FAM107B: variants seen among roughly 807,000 people sequenced by gnomAD.
The protein encoded by FAM107B is family with sequence similarity 107 member B.
Under a neutral mutation model 31.5 loss-of-function variants are expected in FAM107B, and 21 were observed. The ratio of observed to expected loss-of-function variants is 0.67; its 90% CI spans 0.47 to 0.96. FAM107B has a LOEUF of 0.96. Ranked by LOEUF, FAM107B falls within the 40% of genes least tolerant of loss-of-function variation. The pLI is 0.00. For missense variants in FAM107B, 452 were observed against 377.1 expected, an observed-to-expected ratio of 1.20 and a Z score of -1.64; for synonymous variants, 157 against 141.5, an observed-to-expected ratio of 1.11 and a Z score of -0.78.
chr10:14,574,595 C>T (rs1328110807), intron 2 of FAM107B, among the ~76,000 whole-genome samples: 2 of 152,150 alleles, frequency 1.3e-5, no homozygotes, highest in Non-Finnish European at 2.9e-5. Flanking sequence ...ATCCAATGGA[C>T]CACAATTGGC....
At chr10:14,616,168 G>C (rs1852845065) in intron 2 of FAM107B, among the ~76,000 whole-genome samples, 1 of 152,144 alleles carries the variant, frequency 6.6e-6, no homozygotes, top group South Asian at 2.1e-4. Flanking sequence ...GTGGATGACT[G>C]AACTGAGTAT....
chr10:14,539,948 C>T (rs1467260878), intron 2 of FAM107B, among the ~76,000 whole-genome samples: 4 of 152,294 alleles, frequency 2.6e-5, no homozygotes, highest in African/African-American at 9.6e-5. Context: ...GGAATGTCCC[C>T]TAGGTTCAGC....
chr10:14,652,032 G>C (rs1401929379), intron 2 of FAM107B, among the ~76,000 whole-genome samples: 2 of 152,170 alleles, frequency 1.3e-5, no homozygotes, highest in Non-Finnish European at 2.9e-5. Context: ...AACAGAAGTT[G>C]TACAGTCGGA....
chr10:14,680,369 T>C (rs993803490), intron 1 of FAM107B, among the ~76,000 whole-genome samples: 1 of 151,506 alleles, frequency 6.6e-6, no homozygotes, highest in African/African-American at 2.4e-5. Context: ...AGGTCAGGAG[T>C]TCGAGACCAG....
intron 2 of FAM107B, among the ~76,000 whole-genome samples, chr10:14,603,593 C>T (rs2131377909): frequency 6.6e-6 from 1 of 152,368 alleles, no homozygotes; most frequent in Middle Eastern, 3.4e-3. Context: ...TCAGTGCCAC[C>T]TCCAAGGGAC....
intron 2 of FAM107B, among the ~76,000 whole-genome samples, chr10:14,659,434 C>G (rs945903182): frequency 7.8e-5 from 10 of 128,640 alleles, no homozygotes; most frequent in Non-Finnish European, 5.2e-5. Flanking sequence ...GAGCAAAACT[C>G]CGTCTCAAAA....
chr10:14,628,112 G>GTTTTTTTTTGTTTTTGT (rs58879328), intron 2 of FAM107B, among the ~76,000 whole-genome samples: 3 of 92,676 alleles, frequency 3.2e-5, no homozygotes, highest in Admixed American at 1.4e-4. Flanking sequence ...TGTTTTGCTG[G>GTTTTTTTTTGTTTTTGT]TTTTTTTTTT....
intron 1 of FAM107B, among the ~76,000 whole-genome samples, chr10:14,689,379 CA>C (rs200283842): frequency 0.062 from 7,999 of 128,584 alleles, 340 homozygotes; most frequent in East Asian, 0.25. Flanking sequence ...GACCCTATCT[CA>C]AAAAAAAAAA....
At chr10:14,675,427 A>G (rs114373288) in intron 1 of FAM107B, among the ~76,000 whole-genome samples, 2,982 of 152,214 alleles carry the variant, frequency 0.02, 98 homozygotes, top group African/African-American at 0.069. Flanking sequence ...GCATCTATCC[A>G]TGGAGGGAGG....
intron 2 of FAM107B, among the ~76,000 whole-genome samples, chr10:14,628,121 T>TTTTG (rs1554841910): frequency 8.2e-6 from 1 of 121,808 alleles, no homozygotes; most frequent in Non-Finnish European, 1.6e-5. Flanking sequence ...GGTTTTTTTT[T>TTTTG]TTTTTTTTTT....
rs1205805356 is a variant in FAM107B, at chr10:14,547,496, A to C, written c.470-16981T>G. 2.6e-5 allele frequency among the ~76,000 whole-genome samples: 4 copies of C among 152,294 alleles called. No homozygotes were observed. The East Asian group carries it at 7.7e-4, about 29-fold the overall frequency. ...ACTCACTACAGGTTGAGCATCCCTT[A>C]TCCGAAACACCAGAAGTGTTTCAGA... is the stretch of plus-strand genomic sequence containing the variant. On this transcript the variant is annotated intron_variant, in intron 2 of 4. Transcript: ENST00000181796.
At chr10:14,604,262 GCGGCTCCCTCC>G in intron 2 of FAM107B, 1 of 979,612 alleles carries the variant, frequency 1.0e-6, no homozygotes, top group Non-Finnish European at 1.2e-6. Context: ...ACAAAGGCGC[GCGGCTCCCTCC>G]CAGCTCGCTC....
chr10:14,581,253 G>T (rs1210516271), intron 2 of FAM107B, among the ~76,000 whole-genome samples: 1 of 152,164 alleles, frequency 6.6e-6, no homozygotes, highest in Non-Finnish European at 1.5e-5. Flanking sequence ...CAGCACATTT[G>T]GCCCAAGTTT....
chr10:14,594,633 G>C (rs1852127076), intron 2 of FAM107B, among the ~76,000 whole-genome samples: 1 of 152,058 alleles, frequency 6.6e-6, no homozygotes, highest in Non-Finnish European at 1.5e-5. Flanking sequence ...AAGCAGTAAA[G>C]ACACAGCTCC....
Position 14,699,004 on chromosome 10 carries a change from A to G in FAM107B, c.412-31313T>C, listed in dbSNP as rs560307116. Among the ~76,000 whole-genome samples, 71 of 152,300 alleles carry G rather than the reference A, an allele frequency of 4.7e-4. No homozygotes were observed. In the South Asian group the frequency reaches 0.014, roughly 29 times the overall value. Reference sequence around the variant, plus strand: ...AGGTGACAAAAATCTTGAGAACAGCACAGGTCTGAGTTGGAGCATGGAGAG... The same window carrying G: ...AGGTGACAAAAATCTTGAGAACAGCGCAGGTCTGAGTTGGAGCATGGAGAG... On this transcript the variant is annotated intron_variant, in intron 1 of 4. Coordinates refer to ENST00000181796, the MANE Select transcript of FAM107B (RefSeq NM_031453.4).
In FAM107B at chr10:14,582,824, G is replaced by A. The variant is rs370872797; in HGVS notation, c.470-52309C>T. Among the ~76,000 whole-genome samples the A allele has an allele frequency of 1.8e-4, 28 of 152,108 alleles. No homozygotes were observed. In the East Asian group the frequency reaches 2.5e-3, roughly 14 times the overall value. On this transcript the variant is annotated intron_variant, in intron 2 of 4. Transcript: ENST00000181796. ...AAACTCGCCGGGCATGGTGGCTTAC[G>A]CCTATAATCCCAGCACTTTGGGAGG...
chr10:14,645,480 C>A (rs1853729065), intron 2 of FAM107B, among the ~76,000 whole-genome samples: 1 of 128,764 alleles, frequency 7.8e-6, no homozygotes, highest in African/African-American at 2.8e-5. Context: ...TCAGATGGTC[C>A]TTTCTTCCCC....
At chr10:14,551,608 C>A in intron 2 of FAM107B, among the ~76,000 whole-genome samples, 1 of 146,680 alleles carries the variant, frequency 6.8e-6, no homozygotes, top group African/African-American at 2.5e-5. Context: ...TTTTTAAGGA[C>A]ACTATTTTCC....
At chr10:14,562,936 A>G (rs188953468) in intron 2 of FAM107B, among the ~76,000 whole-genome samples, 34 of 152,394 alleles carry the variant, frequency 2.2e-4, no homozygotes, top group Admixed American at 1.0e-3. Flanking sequence ...TGCCTGAGCT[A>G]TAACAGAAAT....
Sources: gnomAD v4.1 joint callset for allele counts (sites outside exome capture counted in the v4.1 genomes callset) on GRCh38, gnomAD v4.1.1 for gene constraint, MANE v1.5 for transcripts, NCBI Gene and HGNC (gene_info 2026-07-23, HGNC 2026-07-21) for gene names.